Variants in BNC2 observed in about 807,000 individuals in gnomAD.
BNC2 encodes basonuclin zinc finger protein 2.
A neutral mutation model predicts 76.3 loss-of-function variants in BNC2; 20 were observed. The observed-to-expected ratio is 0.26, with a 90% confidence interval of 0.18 to 0.38. The LOEUF (loss-of-function observed/expected upper bound fraction) is 0.38, where lower values mean the gene tolerates loss of function less well. Among genes scored for constraint, BNC2 ranks in the 10% least tolerant of loss-of-function variants. The pLI, the probability that BNC2 is intolerant of heterozygous loss-of-function variation, is 1.00. For synonymous variants in BNC2, 582 were observed against 514.8 expected (o/e 1.13, Z -1.77); for missense variants, 1,382 against 1,399.8 (o/e 0.99, Z 0.20).
At chr9:16,503,991 G>C (rs948525715) in intron 5 of BNC2, among the ~76,000 whole-genome samples, 1 of 151,992 alleles carries the variant, frequency 6.6e-6, no homozygotes, top group African/African-American at 2.4e-5. Flanking sequence ...ACTTATTCTA[G>C]TCAAGAAATG....
At chr9:16,496,055 C>T (rs1042312763) in intron 5 of BNC2, among the ~76,000 whole-genome samples, 6 of 151,614 alleles carry the variant, frequency 4.0e-5, no homozygotes, top group African/African-American at 1.5e-4. Flanking sequence ...ATTACAGGTG[C>T]CCACCACCAT....
intron 1 of BNC2, among the ~76,000 whole-genome samples, chr9:16,796,613 AAAGGGAAAGGG>A (rs1817659102): frequency 6.7e-6 from 1 of 149,916 alleles, no homozygotes; most frequent in Non-Finnish European, 1.5e-5. Context: ...AAGGGAAGGG[AAAGGGAAAGGG>A]AAGGGAAAGG....
chr9:16,420,217 C>T (rs1402594702), intron 6 of BNC2, among the ~76,000 whole-genome samples: 1 of 152,140 alleles, frequency 6.6e-6, no homozygotes. Flanking sequence ...CTACCCTCCA[C>T]ATTTCAAGTT....
chr9:16,569,863 A>C (rs140168366), intron 4 of BNC2, among the ~76,000 whole-genome samples: 109 of 152,210 alleles, frequency 7.2e-4, no homozygotes, highest in African/African-American at 2.4e-3. Flanking sequence ...GTTCTATCCA[A>C]TCTCCAGTTG....
chr9:16,749,060 T>C (rs1190906333), intron 1 of BNC2, among the ~76,000 whole-genome samples: 1 of 36,386 alleles, frequency 2.7e-5, no homozygotes, highest in East Asian at 1.1e-3. Flanking sequence ...ATCTTAGAAA[T>C]TCAGTATGTA....
chr9:16,671,162 T>G (rs1822466755), intron 3 of BNC2, among the ~76,000 whole-genome samples: 1 of 152,184 alleles, frequency 6.6e-6, no homozygotes, highest in African/African-American at 2.4e-5. Context: ...TTTTCCCTGG[T>G]CCTTCATTTC....
chr9:16,861,804 A>G (rs1819416624), intron 1 of BNC2, among the ~76,000 whole-genome samples: 1 of 152,222 alleles, frequency 6.6e-6, no homozygotes, highest in Admixed American at 6.5e-5. Flanking sequence ...CCTGGCTAAC[A>G]CAGTGAAACA....
chr9:16,754,626 C>T (rs556641791), intron 1 of BNC2, among the ~76,000 whole-genome samples: 6 of 152,126 alleles, frequency 3.9e-5, no homozygotes, highest in African/African-American at 1.2e-4. Flanking sequence ...GGCACAATCT[C>T]GACTCACTAC....
At chr9:16,427,339 T>C (rs1198289970) in intron 6 of BNC2, among the ~76,000 whole-genome samples, 1 of 152,178 alleles carries the variant, frequency 6.6e-6, no homozygotes, top group Non-Finnish European at 1.5e-5. Context: ...GGAATTATGA[T>C]TAATGGCACT....
chr9:16,689,550 C>T (rs1353493115), intron 3 of BNC2, among the ~76,000 whole-genome samples: 1 of 151,968 alleles, frequency 6.6e-6, no homozygotes, highest in African/African-American at 2.4e-5. Context: ...GCCCCAAGCC[C>T]AGATCAGTTC....
chr9:16,808,760 A>C (rs1240218588), intron 1 of BNC2, among the ~76,000 whole-genome samples: 1 of 151,954 alleles, frequency 6.6e-6, no homozygotes, highest in Non-Finnish European at 1.5e-5. Context: ...GAGTAGCTAC[A>C]ATAAAGATCT....
chr9:16,496,282 A>G (rs1202770853), intron 5 of BNC2, among the ~76,000 whole-genome samples: 1 of 152,192 alleles, frequency 6.6e-6, no homozygotes, highest in African/African-American at 2.4e-5. Flanking sequence ...ACCAGAACCC[A>G]TATCTAATGT....
intron 5 of BNC2, among the ~76,000 whole-genome samples, chr9:16,525,445 A>G (rs1450565570): frequency 6.6e-6 from 1 of 152,244 alleles, no homozygotes. Flanking sequence ...AAGAACCTGA[A>G]AAGACGTTTA....
At chr9:16,713,072 C>A (rs1823896079) in intron 3 of BNC2, among the ~76,000 whole-genome samples, 1 of 152,202 alleles carries the variant, frequency 6.6e-6, no homozygotes, top group Non-Finnish European at 1.5e-5. Context: ...TCGTCCTCCC[C>A]ATGGAGCATT....
intron 1 of BNC2, among the ~76,000 whole-genome samples, chr9:16,854,162 G>A (rs926180376): frequency 1.1e-4 from 17 of 152,080 alleles, no homozygotes; most frequent in Non-Finnish European, 2.1e-4. Flanking sequence ...TATTCTTGAT[G>A]TTCAAGTGTT....
At chr9:16,650,774 A>G (rs748984604) in intron 3 of BNC2, among the ~76,000 whole-genome samples, 11 of 152,196 alleles carry the variant, frequency 7.2e-5, no homozygotes, top group Non-Finnish European at 1.3e-4. Context: ...GCTTCCAGGT[A>G]GCAAAAAAAT....
At chr9:16,697,398 A>C (rs563539292) in intron 3 of BNC2, among the ~76,000 whole-genome samples, 14 of 151,536 alleles carry the variant, frequency 9.2e-5, no homozygotes, top group Non-Finnish European at 1.6e-4. Flanking sequence ...TTCCTTGCCC[A>C]ACAAGTTGTC....
intron 1 of BNC2, among the ~76,000 whole-genome samples, chr9:16,794,379 T>G (rs1413551731): frequency 6.6e-6 from 1 of 152,196 alleles, no homozygotes; most frequent in Non-Finnish European, 1.5e-5. Flanking sequence ...TTGAGATATC[T>G]CCTGTCTGTT....
At chr9:16,503,258 T>G (rs574735501) in intron 5 of BNC2, among the ~76,000 whole-genome samples, 3 of 152,184 alleles carry the variant, frequency 2.0e-5, no homozygotes, top group African/African-American at 7.2e-5. Flanking sequence ...ACTCTGGGTA[T>G]AGCCAAGAAC....
Sources: allele counts gnomAD v4.1 joint callset (sites outside exome capture counted in the v4.1 genomes callset), GRCh38; gene constraint gnomAD v4.1.1; transcripts MANE v1.5; gene names NCBI Gene and HGNC (gene_info 2026-07-23, HGNC 2026-07-21).